The following CACNA2D3 variants were observed in gnomAD, a reference collection of about 807,000 sequenced individuals.
CACNA2D3 encodes the protein voltage-dependent calcium channel subunit alpha-2/delta-3.
A neutral mutation model predicts 160.6 loss-of-function variants in CACNA2D3; 60 were observed. The ratio of observed to expected loss-of-function variants is 0.37; its 90% confidence interval spans 0.30 to 0.46. CACNA2D3 has a LOEUF of 0.46. Ranked by LOEUF, CACNA2D3 falls within the 20% of genes least tolerant of loss-of-function variation. The pLI is 1.00. For missense variants in CACNA2D3, 1,205 were observed against 1,365.0 expected (o/e 0.88, Z 1.85); for synonymous variants, 558 against 492.9 (o/e 1.13, Z -1.75).
At chr3:54,973,627 C>G (rs1296968124) in intron 29 of CACNA2D3, among the ~76,000 whole-genome samples, 1 of 152,104 alleles carries the variant, frequency 6.6e-6, no homozygotes, top group Non-Finnish European at 1.5e-5. Flanking sequence ...TCCAGGCAGC[C>G]AGGCGCCTGC....
At chr3:54,829,772 T>G (rs1703828144) in intron 14 of CACNA2D3, among the ~76,000 whole-genome samples, 1 of 151,672 alleles carries the variant, frequency 6.6e-6, no homozygotes, top group South Asian at 2.1e-4. Flanking sequence ...AAGGAGTTGG[T>G]GTCCCTTTTG....
chr3:54,641,302 G>A (rs1365096189), intron 10 of CACNA2D3, among the ~76,000 whole-genome samples: 2 of 152,246 alleles, frequency 1.3e-5, no homozygotes, highest in South Asian at 2.1e-4. Flanking sequence ...CAGGTCACAG[G>A]TGGATTCAAA....
At chr3:54,353,185 A>G (rs908632131) in intron 3 of CACNA2D3, among the ~76,000 whole-genome samples, 2 of 152,176 alleles carry the variant, frequency 1.3e-5, no homozygotes, top group African/African-American at 4.8e-5. Flanking sequence ...CACCTTATTT[A>G]AGTCGTGCAG....
chr3:54,503,439 T>C, intron 4 of CACNA2D3, 53 bp from the exon 5 acceptor site: 15 of 1,563,514 alleles, frequency 9.6e-6, no homozygotes, highest in African/African-American at 1.4e-5. Flanking sequence ...CTAAGTGAGT[T>C]CACAGCCCTC....
At chr3:54,625,570 A>G (rs771142230) in intron 9 of CACNA2D3, among the ~76,000 whole-genome samples, 19 of 152,168 alleles carry the variant, frequency 1.2e-4, no homozygotes, top group Non-Finnish European at 2.5e-4. Flanking sequence ...GAAGGTTGCT[A>G]TGACAGTGGA....
chr3:54,339,590 G>A (rs1353837825), intron 3 of CACNA2D3, among the ~76,000 whole-genome samples: 1 of 152,208 alleles, frequency 6.6e-6, no homozygotes, highest in Non-Finnish European at 1.5e-5. Flanking sequence ...ACCCAGGATA[G>A]TGCCTCCTGT....
intron 2 of CACNA2D3, among the ~76,000 whole-genome samples, chr3:54,183,892 GAAAA>G (rs58956795): frequency 0.014 from 1,107 of 80,838 alleles, 7 homozygotes; most frequent in African/African-American, 0.048. Flanking sequence ...TCTCAAAAAA[GAAAA>G]AAAAAAAAAA....
intron 27 of CACNA2D3, among the ~76,000 whole-genome samples, chr3:54,957,549 G>A (rs916035060): frequency 6.6e-6 from 1 of 152,188 alleles, no homozygotes; most frequent in African/African-American, 2.4e-5. Flanking sequence ...GGAAGCCAAA[G>A]CATGTTCAAA....
chr3:54,683,194 C>A (rs1355838593), intron 11 of CACNA2D3, among the ~76,000 whole-genome samples: 1 of 152,168 alleles, frequency 6.6e-6, no homozygotes, highest in Non-Finnish European at 1.5e-5. Context: ...TCATAAATGC[C>A]ACCATCCTTC....
In CACNA2D3 at chr3:55,018,273, C is replaced by T; in HGVS notation, c.2943C>T (p.Thr981=). 1.2e-6 allele frequency: 2 copies of T among 1,613,208 alleles called. No homozygotes were observed. Among genetic ancestry groups the T allele is most frequent in the Non-Finnish European group, 1.7e-6 (2 of 1,179,386 alleles). ...TEYPAFVSER[T]IKETTGNIAC... The stretch of plus-strand genomic sequence containing the variant: ...ATCCAGCATTCGTCTCTGAGCGCAC[C>T]ATCAAGGAGACTACAGGGAATATTG... Residue 981 remains threonine, a synonymous_variant, in exon 35 of 38, where the codon ACC becomes ACT. Coordinates refer to ENST00000474759, the MANE Select transcript of CACNA2D3 (RefSeq NM_018398.3).
chr3:54,664,252 C>T (rs1559543116), intron 11 of CACNA2D3, among the ~76,000 whole-genome samples: 1 of 152,178 alleles, frequency 6.6e-6, no homozygotes, highest in Non-Finnish European at 1.5e-5. Flanking sequence ...CCAGTGGTGT[C>T]CCCGTGCCAT....
chr3:54,751,444 T>C (rs1393867922), intron 11 of CACNA2D3, among the ~76,000 whole-genome samples: 7 of 149,338 alleles, frequency 4.7e-5, no homozygotes, highest in East Asian at 3.9e-4. Flanking sequence ...TATAATCCAC[T>C]GTAAGCGTTT....
intron 13 of CACNA2D3, chr3:54,789,856 C>T (rs771372193): frequency 1.9e-6 from 1 of 517,672 alleles, no homozygotes. Flanking sequence ...TGAGGGATCT[C>T]CAGGTCAGGC....
chr3:54,608,580 C>T (rs1401085506), intron 9 of CACNA2D3, among the ~76,000 whole-genome samples: 1 of 151,660 alleles, frequency 6.6e-6, no homozygotes, highest in Non-Finnish European at 1.5e-5. Context: ...TAAGGTTTTT[C>T]CTCCCTTGCC....
chr3:54,658,555 GT>G (rs1296807014), intron 11 of CACNA2D3, among the ~76,000 whole-genome samples: 1 of 152,094 alleles, frequency 6.6e-6, no homozygotes, highest in African/African-American at 2.4e-5. Flanking sequence ...AATCTCTTAT[GT>G]TTTGGAAATT....
At chr3:54,704,334 G>A (rs1299386416) in intron 11 of CACNA2D3, among the ~76,000 whole-genome samples, 1 of 152,202 alleles carries the variant, frequency 6.6e-6, no homozygotes, top group Admixed American at 6.5e-5. Context: ...TAGAAATGCT[G>A]CAGTTTAAGT....
chr3:54,707,231 G>A (rs1700873599), intron 11 of CACNA2D3, among the ~76,000 whole-genome samples: 1 of 152,164 alleles, frequency 6.6e-6, no homozygotes, highest in South Asian at 2.1e-4. Context: ...AGATCTAATT[G>A]GCCATGGTCC....
At chr3:54,205,491 A>C (rs1701259974) in intron 2 of CACNA2D3, among the ~76,000 whole-genome samples, 1 of 152,190 alleles carries the variant, frequency 6.6e-6, no homozygotes, top group African/African-American at 2.4e-5. Context: ...AGCAACGAAA[A>C]TGTGTTTATG....
At chr3:54,833,638 G>A (rs1425403056) in intron 14 of CACNA2D3, among the ~76,000 whole-genome samples, 1 of 152,062 alleles carries the variant, frequency 6.6e-6, no homozygotes, top group Admixed American at 6.6e-5. Flanking sequence ...TATGGCAAGA[G>A]TATAGAATGC....
Sources: gnomAD v4.1 joint callset for allele counts (sites outside exome capture counted in the v4.1 genomes callset) on GRCh38, gnomAD v4.1.1 for gene constraint, MANE v1.5 for transcripts, NCBI Gene and HGNC (gene_info 2026-07-23, HGNC 2026-07-21) for gene names.